SAMD9L: variants seen among roughly 807,000 people sequenced by gnomAD.
SAMD9L encodes sterile alpha motif domain-containing protein 9-like.
Under a neutral mutation model 90.7 loss-of-function variants are expected in SAMD9L, and 68 were observed. The ratio of observed to expected loss-of-function variants is 0.75; its 90% confidence interval spans 0.62 to 0.92. SAMD9L has a LOEUF of 0.92. SAMD9L is among the 40% of genes least tolerant of loss of function. The pLI is 0.00. For missense variants in SAMD9L, 1,604 were observed against 1,824.3 expected (o/e 0.88, Z 2.20); for synonymous variants, 640 against 630.1 (o/e 1.02, Z -0.23).
In SAMD9L at chr7:93,132,874, T is replaced by C. The variant is rs1253449084; in HGVS notation, c.3098A>G (p.His1033Arg). 1.2e-6 allele frequency: 2 copies of C among 1,613,762 alleles called. No homozygotes were observed. The highest frequency in any genetic ancestry group is 1.7e-6 in the Non-Finnish European group (2 of 1,179,772). ...TGTAAGCAGAAGAGTTTGAACATCA[T>C]GTTGAAATTTGTCTCTTCCTATTCC... is the stretch of plus-strand genomic sequence containing the variant. Reference protein sequence around the residue: ...DSGIGRDKFQHDVQTLLLTRQ... With the variant: ...DSGIGRDKFQRDVQTLLLTRQ... The change falls in exon 5 of 5, where the codon CAT becomes CGT. Residue 1033 changes from histidine to arginine, a missense_variant. Around this residue, in one of 7 missense-constraint regions of SAMD9L, gnomAD observed 302 missense variants for 314.7 expected, o/e 0.96. Transcript: ENST00000318238.
chr7:93,134,781 C>G lies in SAMD9L; in HGVS notation c.1191G>C (p.Lys397Asn). 6.2e-7 allele frequency: 1 copy of G among 1,613,344 alleles called. No homozygotes were observed. The highest frequency in any genetic ancestry group is 8.5e-7 in the Non-Finnish European group (1 of 1,179,888). ...KAMKKESEGL[K>N]LVKLLIGNRD... ...GGTTTCCTATGAGAAGTTTAACCAG[C>G]TTTAGTCCTTCACTCTCCTTCTTCA... Residue 397 changes from lysine (K) to asparagine (N), a missense_variant, in exon 5 of 5, where the codon AAG (lysine) becomes AAC (asparagine). By Grantham distance (94) the Lys-to-Asn change is moderately conservative. Coordinates refer to ENST00000318238, the MANE Select transcript of SAMD9L (RefSeq NM_152703.5).
rs771578255 is a variant in SAMD9L at position 93,132,764 on chromosome 7, C to A, written c.3208G>T (p.Val1070Phe). Reference protein sequence around the residue: ...EALQNKDIEKVLSAGSRRFPQ... With the variant: ...EALQNKDIEKFLSAGSRRFPQ... ...AATCGTCTACTTCCTGCACTCAAGA[C>A]CTTTTCAATGTCTTTATTCTGTAAA... The change falls in exon 5 of 5, where the codon GTC (valine) becomes TTC (phenylalanine). Residue 1070 changes from valine to phenylalanine, a missense_variant. Around this residue, in one of 7 missense-constraint regions of SAMD9L, gnomAD observed 302 missense variants for 314.7 expected, o/e 0.96. Coordinates refer to ENST00000318238, the MANE Select transcript of SAMD9L (RefSeq NM_152703.5). 3 of 1,613,716 alleles carry A rather than the reference C, an allele frequency of 1.9e-6. No homozygotes were observed. Among genetic ancestry groups the A allele is most frequent in the East Asian group, 2.2e-5 (1 of 44,854 alleles).
Position 93,132,580 on chromosome 7 carries a change from A to G in SAMD9L, c.3392T>C (p.Ile1131Thr), listed in dbSNP as rs780227273. ...DTLGQVYKSEIKWWLDGNKNC... is the reference protein window; with the variant it reads ...DTLGQVYKSETKWWLDGNKNC... ...TTTGTTCCCATCCAACCACCATTTG[A>G]TTTCACTTTTGTAGACTTGACCTAG... Residue 1131 changes from isoleucine to threonine, a missense_variant, in exon 5 of 5, where the codon ATC becomes ACC. By Grantham distance (89) the Ile-to-Thr change is moderately conservative. Coordinates refer to ENST00000318238, the MANE Select transcript of SAMD9L (RefSeq NM_152703.5). The G allele has an allele frequency of 6.2e-7, 1 of 1,613,726 alleles. No individual in the cohort carries two copies. Among genetic ancestry groups the G allele is most frequent in the East Asian group, 2.2e-5 (1 of 44,872 alleles).
intron 4 of SAMD9L, among the ~76,000 whole-genome samples, chr7:93,137,734 G>GTTTT (rs61599939): frequency 4.9e-5 from 6 of 121,904 alleles, no homozygotes; most frequent in Non-Finnish European, 6.8e-5. Flanking sequence ...AGGAACCTAA[G>GTTTT]TTTTTTTTTT....
intron 4 of SAMD9L, among the ~76,000 whole-genome samples, chr7:93,140,418 G>A (rs1004874440): frequency 1.2e-4 from 18 of 152,206 alleles, no homozygotes; most frequent in Non-Finnish European, 2.1e-4. Context: ...GAACATGGCT[G>A]GACAATGGCC....
chr7:93,133,660 G>A lies in SAMD9L; in HGVS notation c.2312C>T (p.Thr771Ile), dbSNP rs1334027773. The change falls in exon 5 of 5, where the codon ACA becomes ATA. Residue 771 changes from threonine to isoleucine, a missense_variant. Around this residue, in one of 7 missense-constraint regions of SAMD9L, gnomAD observed 606 missense variants for 717.6 expected, o/e 0.84. Transcript: ENST00000318238. Reference sequence around the variant, plus strand: ...CTCTGCAATTTCTGCAAAATCAGTTGTCTTGTTTTTTAACACAGCACATCT... The same window carrying A: ...CTCTGCAATTTCTGCAAAATCAGTTATCTTGTTTTTTAACACAGCACATCT... The part of the protein sequence containing the change: ...NFRCAVLKNK[T>I]TDFAEIAEQV... 6.2e-7 allele frequency: 1 copy of A among 1,613,548 alleles called. No homozygotes were observed.
chr7:93,131,921 A>G lies in SAMD9L; in HGVS notation c.4051T>C (p.Tyr1351His), dbSNP rs1792124680. 1 of 1,612,900 alleles carries G rather than the reference A, an allele frequency of 6.2e-7. No individual in the cohort carries two copies. The highest frequency in any genetic ancestry group is 8.5e-7 in the Non-Finnish European group (1 of 1,179,798). Reference sequence around the variant, plus strand: ...CTTTCCATGGTGGTAGCATCTTTGTAGTTTGGATTAAGATATTCCAAGAGT... The same window carrying G: ...CTTTCCATGGTGGTAGCATCTTTGTGGTTTGGATTAAGATATTCCAAGAGT... ...AGLLEYLNPN[Y>H]KDATTMESIV... is the part of the protein sequence containing the mutation. The change falls in exon 5 of 5, where the codon TAC (tyrosine) becomes CAC (histidine). Residue 1351 changes from tyrosine (Y) to histidine (H), a missense_variant. By Grantham distance (83) the Tyr-to-His change is moderately conservative. Around this residue, in one of 7 missense-constraint regions of SAMD9L, gnomAD observed 282 missense variants for 329.6 expected, o/e 0.86. Transcript: ENST00000318238.
rs762101388 is a variant in SAMD9L, at chr7:93,135,837, T to G, written c.135A>C (p.Leu45Phe). Reference protein sequence around the residue: ...QILLSEEVTGLVLQELTEKDL... With the variant: ...QILLSEEVTGFVLQELTEKDL... ...CCTTCTCAGTTAATTCCTGCAGGAC[T>G]AATCCTGTTACTTCTTCACTGAGCA... is the stretch of plus-strand genomic sequence containing the variant. The change falls in exon 5 of 5, where the codon TTA (leucine) becomes TTC (phenylalanine). Residue 45 changes from leucine to phenylalanine, a missense_variant. Physicochemically the swap from Leu to Phe is conservative, Grantham distance 22 (BLOSUM62 0). Transcript: ENST00000318238. 24 of 1,613,966 alleles carry G rather than the reference T, an allele frequency of 1.5e-5. No homozygotes were observed. Among genetic ancestry groups the G allele is most frequent in the Non-Finnish European group, 2.0e-5 (24 of 1,179,994 alleles).
chr7:93,138,431 T>TCA (rs34330527), intron 4 of SAMD9L, among the ~76,000 whole-genome samples: 80,145 of 150,168 alleles, frequency 0.53, 24,076 homozygotes, highest in Middle Eastern at 0.7. Flanking sequence ...AGGAAATAAG[T>TCA]CACACACACA....
chr7:93,139,395 A>G (rs968424454), intron 4 of SAMD9L, among the ~76,000 whole-genome samples: 3 of 152,162 alleles, frequency 2.0e-5, no homozygotes, highest in Admixed American at 6.5e-5. Context: ...TTGTAGATGT[A>G]ATTAGTTGAC....
At position 93,130,934 on chromosome 7, in the gene SAMD9L, G is replaced by A. The variant is rs1200791513; in HGVS notation, c.*283C>T. ...TTAACACAGATTTTATTGCCCTATA[G>A]ACAGTTATGATGTGACCAGTGGATA... is the stretch of plus-strand genomic sequence containing the variant. On this transcript the variant is annotated 3_prime_UTR_variant, in exon 5 of 5. Coordinates refer to ENST00000318238, the MANE Select transcript of SAMD9L (RefSeq NM_152703.5). 2 of 268,510 alleles carry A rather than the reference G, an allele frequency of 7.4e-6. No individual in the cohort carries two copies. The highest frequency in any genetic ancestry group is 1.4e-4 in the East Asian group (2 of 14,122). 16.6% of individuals were successfully genotyped at this position (268,510 alleles called of 1,614,324 possible).
chr7:93,139,948 T>C (rs1313218484), intron 4 of SAMD9L, among the ~76,000 whole-genome samples: 1 of 152,206 alleles, frequency 6.6e-6, no homozygotes, highest in Admixed American at 6.5e-5. Context: ...ACTGACTTAA[T>C]ATTTCTTTGA....
Position 93,134,819 on chromosome 7 carries a change from C to A in SAMD9L, c.1153G>T (p.Gly385Ter). 1 of 1,613,776 alleles carries A rather than the reference C, an allele frequency of 6.2e-7. No homozygotes were observed. Among genetic ancestry groups the A allele is most frequent in the African/African-American group, 1.3e-5 (1 of 75,022 alleles). The change falls in exon 5 of 5, where the codon GGA (glycine) becomes TGA (stop). Residue 385 changes from glycine to a stop codon, truncating the protein, a stop_gained. Coordinates refer to ENST00000318238, the MANE Select transcript of SAMD9L (RefSeq NM_152703.5). LOFTEE classifies it low-confidence loss of function (END_TRUNC). ...CTCTCCTTCTTCATTGCCTTCATTC[C>A]ATACTCTTCTTCAGCCTCTTTTCTA... is the stretch of plus-strand genomic sequence containing the variant. ...ASRKEAEEEY[G>*]MKAMKKESEG...
At chr7:93,146,431 A>T (rs1792894027) in intron 2 of SAMD9L, among the ~76,000 whole-genome samples, 1 of 152,226 alleles carries the variant, frequency 6.6e-6, no homozygotes, top group Admixed American at 6.5e-5. Context: ...ACTTACAAGC[A>T]GCAAATATTT....
At position 93,135,433 on chromosome 7, in the gene SAMD9L, T is replaced by C. The variant is rs1415610838; in HGVS notation, c.539A>G (p.His180Arg). The change falls in exon 5 of 5, where the codon CAT becomes CGT. Residue 180 changes from histidine to arginine, a missense_variant. His to Arg is a conservative substitution (Grantham distance 29). This residue lies in a region of SAMD9L where 374 missense variants were observed against 363.6 expected (regional missense o/e 1.03). Transcript: ENST00000318238. Reference protein sequence around the residue: ...QFHDSHRYIEHYTLQPETGAL... With the variant: ...QFHDSHRYIERYTLQPETGAL... The stretch of plus-strand genomic sequence containing the variant: ...TCCTGTTTCAGGTTGTAGAGTATAA[T>C]GTTCTATGTAGCGATGGCTGTCATG... 1.9e-6 allele frequency: 3 copies of C among 1,614,194 alleles called. No individual in the cohort carries two copies. The highest frequency in any genetic ancestry group is 2.5e-6 in the Non-Finnish European group (3 of 1,179,992).
rs1489334161 is a variant in SAMD9L, at chr7:93,134,846, A to G, written c.1126T>C (p.Ser376Pro). ...TACTCTTCTTCAGCCTCTTTTCTAG[A>G]TGCTACCAGTGACTTTAAATTTTGT... ...FLQNLKSLVA[S>P]RKEAEEEYGM... The change falls in exon 5 of 5, where the codon TCT becomes CCT. Residue 376 changes from serine to proline, a missense_variant. Ser to Pro is a moderately conservative substitution (Grantham distance 74). Around this residue, in one of 7 missense-constraint regions of SAMD9L, gnomAD observed 606 missense variants for 717.6 expected, o/e 0.84. Transcript: ENST00000318238. 2 of 1,613,880 alleles carry G rather than the reference A, an allele frequency of 1.2e-6. No individual in the cohort carries two copies. Among genetic ancestry groups the G allele is most frequent in the Admixed American group, 1.7e-5 (1 of 59,982 alleles).
Position 93,131,026 on chromosome 7 carries a change from C to G in SAMD9L, c.*191G>C. ...TTAAAACATTAAAAGATTGACTCCA[C>G]TTTGTGCCAAGCTCTGCGGGTAGGC... On this transcript the variant is annotated 3_prime_UTR_variant, in exon 5 of 5. Transcript: ENST00000318238. 1 of 461,634 alleles carries G rather than the reference C, an allele frequency of 2.2e-6. No homozygotes were observed. The highest frequency in any genetic ancestry group is 5.6e-4 in the Middle Eastern group (1 of 1,800). The allele number at this position is 461,634 out of a possible 1,614,324, so 28.6% of individuals were successfully genotyped here.
intron 4 of SAMD9L, among the ~76,000 whole-genome samples, chr7:93,136,216 G>A (rs910513121): frequency 3.3e-5 from 5 of 152,068 alleles, no homozygotes; most frequent in Admixed American, 1.3e-4. Context: ...ATAAGCTATA[G>A]CTGCTAACTG....
chr7:93,144,411 A>T (rs758192737), intron 4 of SAMD9L, among the ~76,000 whole-genome samples: 7 of 152,242 alleles, frequency 4.6e-5, no homozygotes, highest in African/African-American at 7.2e-5. Context: ...TAAATACGGT[A>T]TAACAACTAT....
Sources: gnomAD v4.1 joint callset for allele counts (sites outside exome capture counted in the v4.1 genomes callset) on GRCh38, gnomAD v4.1.1 for gene constraint, gnomAD v4.1.1 regional missense constraint, MANE v1.5 for transcripts, NCBI Gene and HGNC (gene_info 2026-07-23, HGNC 2026-07-21) for gene names.